CACNB4: variants seen among roughly 807,000 people sequenced by gnomAD.
CACNB4 encodes the protein calcium voltage-gated channel auxiliary subunit beta 4.
In CACNB4, 32 loss-of-function variants were observed where a neutral mutation model predicts 71.2. That is an observed-to-expected ratio of 0.45 (90% CI 0.34 to 0.60). The LOEUF (loss-of-function observed/expected upper bound fraction) is 0.60. Ranked by LOEUF, CACNB4 falls within the 20% of genes least tolerant of loss-of-function variation. The pLI, the probability that CACNB4 is intolerant of heterozygous loss-of-function variation, is 0.01. For synonymous variants in CACNB4, 231 were observed against 236.9 expected (o/e 0.97, Z 0.23); for missense variants, 464 against 647.9 (o/e 0.72, Z 3.08).
chr2:151,944,995 G>C (rs550778496), intron 2 of CACNB4, among the ~76,000 whole-genome samples: 1 of 152,246 alleles, frequency 6.6e-6, no homozygotes, highest in East Asian at 1.9e-4. Context: ...TAAAATGTCA[G>C]GATTTCCTCA....
intron 2 of CACNB4, among the ~76,000 whole-genome samples, chr2:152,037,753 C>G (rs1684671572): frequency 6.6e-6 from 1 of 152,216 alleles, no homozygotes; most frequent in Non-Finnish European, 1.5e-5. Flanking sequence ...CATGGCCTCC[C>G]TCTGAGACCT....
chr2:152,040,244 A>T (rs17326005), intron 2 of CACNB4, among the ~76,000 whole-genome samples: 65,447 of 151,962 alleles, frequency 0.43, 16,191 homozygotes, highest in Non-Finnish European at 0.57. Flanking sequence ...CCTATCTCAC[A>T]GTATTTAACT....
At chr2:152,049,654 G>A (rs944120203) in intron 2 of CACNB4, among the ~76,000 whole-genome samples, 13 of 151,602 alleles carry the variant, frequency 8.6e-5, no homozygotes, top group Admixed American at 5.3e-4. Context: ...GAAGGAAGTA[G>A]GTCACCAGCC....
At chr2:152,010,271 C>T (rs983736405) in intron 2 of CACNB4, among the ~76,000 whole-genome samples, 2 of 152,188 alleles carry the variant, frequency 1.3e-5, no homozygotes, top group Admixed American at 1.3e-4. Context: ...TAAAGTTTTA[C>T]AGCTAGCATT....
chr2:151,883,535 T>A (rs2099848516), intron 2 of CACNB4, 165 bp from the exon 3 acceptor site: 1 of 668,258 alleles, frequency 1.5e-6, no homozygotes, highest in Admixed American at 2.3e-5. Flanking sequence ...TAGTTAAGCA[T>A]CTGAGTTATT....
chr2:151,862,791 G>T (rs960538094), intron 9 of CACNB4, among the ~76,000 whole-genome samples: 2 of 152,146 alleles, frequency 1.3e-5, no homozygotes, highest in African/African-American at 4.8e-5. Flanking sequence ...CTAGCCCCTG[G>T]GTATCGGGCC....
chr2:151,876,315 A>T (rs2151429224), intron 5 of CACNB4, 111 bp downstream of exon 5: 1 of 867,100 alleles, frequency 1.2e-6, no homozygotes, highest in East Asian at 2.9e-5. Flanking sequence ...TGTCAGTTTC[A>T]GAAACACTTT....
At chr2:151,940,698 G>A (rs2099864013) in intron 2 of CACNB4, among the ~76,000 whole-genome samples, 1 of 152,096 alleles carries the variant, frequency 6.6e-6, no homozygotes, top group Non-Finnish European at 1.5e-5. Context: ...TCAACTATAA[G>A]GCATTAAGGA....
intron 2 of CACNB4, among the ~76,000 whole-genome samples, chr2:151,992,395 C>T (rs1252797960): frequency 6.6e-6 from 1 of 152,204 alleles, no homozygotes; most frequent in Non-Finnish European, 1.5e-5. Flanking sequence ...AAACAGTGCA[C>T]ATTTACTCCC....
intron 2 of CACNB4, among the ~76,000 whole-genome samples, chr2:151,913,765 C>A (rs369533725): frequency 2.3e-3 from 272 of 120,436 alleles, no homozygotes; most frequent in Admixed American, 3.1e-3. Flanking sequence ...GACTCCATCT[C>A]AAAAAAAAAA....
chr2:151,971,401 C>T lies in CACNB4; in HGVS notation c.148-88031G>A, dbSNP rs569624360. On this transcript the variant is annotated intron_variant, in intron 2 of 13. Coordinates refer to ENST00000539935, the MANE Select transcript of CACNB4 (RefSeq NM_000726.5). ...TATGCGGATGGTTCCCCAACCCCCA[C>T]CCCCAACCGAAGTGCCGTACTCAGC... 1.7e-3 allele frequency: 1,066 copies of T among 644,010 alleles called. 4 individuals carry two copies. The highest frequency in any genetic ancestry group is 2.3e-3 in the Non-Finnish European group (826 of 356,764). 39.9% of individuals were successfully genotyped at this position (644,010 alleles called of 1,614,324 possible). A position where few individuals can be genotyped will look rare whatever the true frequency, so the allele number is the denominator to read the frequency against.
chr2:151,940,876 G>A lies in CACNB4; in HGVS notation c.148-57506C>T, dbSNP rs576674387. Among the ~76,000 whole-genome samples, 12 of 152,274 alleles carry A rather than the reference G, an allele frequency of 7.9e-5. No homozygotes were observed. The South Asian group carries it at 2.3e-3, about 29-fold the overall frequency. On this transcript the variant is annotated intron_variant, in intron 2 of 13. Coordinates refer to ENST00000539935, the MANE Select transcript of CACNB4 (RefSeq NM_000726.5). Reference sequence around the variant, plus strand: ...GTCCAAATAGACTAGGAAAACAGCCGAAACAGAGTATCTCTTGTCCAACTC... The same window carrying A: ...GTCCAAATAGACTAGGAAAACAGCCAAAACAGAGTATCTCTTGTCCAACTC...
intron 2 of CACNB4, among the ~76,000 whole-genome samples, chr2:152,052,393 C>G (rs553488553): frequency 4.6e-5 from 7 of 152,074 alleles, no homozygotes; most frequent in African/African-American, 1.7e-4. Context: ...CTCCACCTCC[C>G]GGGTTCAAAG....
intron 2 of CACNB4, among the ~76,000 whole-genome samples, chr2:152,049,975 C>T (rs1685336811): frequency 6.6e-6 from 1 of 152,228 alleles, no homozygotes; most frequent in South Asian, 2.1e-4. Flanking sequence ...CCAACCAGAC[C>T]ACAGTATGGA....
At chr2:152,054,768 G>T (rs1320817324) in intron 2 of CACNB4, among the ~76,000 whole-genome samples, 2 of 152,002 alleles carry the variant, frequency 1.3e-5, no homozygotes, top group Non-Finnish European at 2.9e-5. Context: ...CATCCTAGTG[G>T]GTGTAAAGTG....
Position 151,839,225 on chromosome 2 carries a change from G to C in CACNB4, c.1457C>G (p.Pro486Arg). 6.2e-7 allele frequency: 1 copy of C among 1,613,750 alleles called. No homozygotes were observed. Residue 486 changes from proline to arginine, a missense_variant, in exon 14 of 14, where the codon CCT (proline) becomes CGT (arginine). Around this residue, in one of 3 missense-constraint regions of CACNB4, gnomAD observed 115 missense variants for 128.8 expected, o/e 0.89. Coordinates refer to ENST00000539935, the MANE Select transcript of CACNB4 (RefSeq NM_000726.5). ...GTCAGGGTAATCTTCTTCCACAAGA[G>C]GGTAATGATCTCGGCTATGCTGAGA... The part of the protein sequence containing the change: ...SSSQHSRDHY[P>R]LVEEDYPDSY...
intron 2 of CACNB4, among the ~76,000 whole-genome samples, chr2:151,963,862 G>A (rs2099870282): frequency 1.3e-5 from 2 of 152,082 alleles, no homozygotes; most frequent in African/African-American, 4.8e-5. Flanking sequence ...GAGGTCAGGA[G>A]TTCGAGACCA....
chr2:151,934,302 G>A (rs2099862378), intron 2 of CACNB4, among the ~76,000 whole-genome samples: 1 of 152,172 alleles, frequency 6.6e-6, no homozygotes, highest in Middle Eastern at 3.2e-3. Context: ...AGATTTAGAG[G>A]CCAGTGAGAG....
At chr2:151,970,582 G>A (rs2151727636) in intron 2 of CACNB4, 1 of 152,264 alleles carries the variant, frequency 6.6e-6, no homozygotes, top group African/African-American at 2.4e-5. Flanking sequence ...TGTACATGGG[G>A]GGCTCAGTCC....
Sources: gnomAD v4.1 joint callset for allele counts (sites outside exome capture counted in the v4.1 genomes callset) on GRCh38, gnomAD v4.1.1 for gene constraint, gnomAD v4.1.1 regional missense constraint, MANE v1.5 for transcripts, NCBI Gene and HGNC (gene_info 2026-07-23, HGNC 2026-07-21) for gene names.